GALNT13: variants seen among roughly 807,000 people sequenced by gnomAD.
The protein encoded by GALNT13 is polypeptide N-acetylgalactosaminyltransferase 13.
GALNT13 carries 28 observed loss-of-function variants against 64.2 expected under a neutral mutation model. The ratio of observed to expected loss-of-function variants is 0.44; its 90% CI spans 0.32 to 0.60. The LOEUF (loss-of-function observed/expected upper bound fraction) is 0.60. GALNT13 is among the 20% of genes least tolerant of loss of function. The pLI, the probability that GALNT13 is intolerant of heterozygous loss-of-function variation, is 0.05. For missense variants in GALNT13, 577 were observed against 669.8 expected (o/e 0.86, Z 1.53); for synonymous variants, 214 against 224.6 (o/e 0.95, Z 0.42).
the GALNT13 span, among the ~76,000 whole-genome samples, chr2:153,833,285 A>G: frequency 6.6e-6 from 1 of 152,200 alleles, no homozygotes; most frequent in Non-Finnish European, 1.5e-5. Context: ...CATGATAAGT[A>G]GAAGCTATAA....
chr2:153,293,789 GTGTC>G, the GALNT13 span, among the ~76,000 whole-genome samples: 472 of 143,682 alleles, frequency 3.3e-3, 4 homozygotes, highest in African/African-American at 4.1e-3. Context: ...GTGTGTGTGT[GTGTC>G]TGTGTGTGTG....
the GALNT13 span, among the ~76,000 whole-genome samples, chr2:153,747,421 GGT>G: frequency 8.5e-6 from 1 of 117,340 alleles, no homozygotes; most frequent in African/African-American, 4.0e-5. Flanking sequence ...AAGTGCCTTT[GGT>G]TTTTTTTTTT....
At chr2:153,304,596 T>C in the GALNT13 span, among the ~76,000 whole-genome samples, 1 of 152,172 alleles carries the variant, frequency 6.6e-6, no homozygotes, top group Non-Finnish European at 1.5e-5. Context: ...TTGTGACTTA[T>C]GACGGAATAA....
chr2:153,412,655 G>T, the GALNT13 span, among the ~76,000 whole-genome samples: 1 of 152,152 alleles, frequency 6.6e-6, no homozygotes, highest in South Asian at 2.1e-4. Flanking sequence ...TATTCCCTAA[G>T]GACTGAGTGT....
At chr2:154,237,232 A>G (rs1208398435) in intron 4 of GALNT13, among the ~76,000 whole-genome samples, 1 of 151,860 alleles carries the variant, frequency 6.6e-6, no homozygotes, top group African/African-American at 2.4e-5. Context: ...TATACCAAAG[A>G]ATGTCTACCA....
At position 153,944,260 on chromosome 2, in the gene GALNT13, T is replaced by A. The variant is rs944651284; in HGVS notation, c.-104-134T>A. On this transcript the variant is annotated intron_variant, in intron 2 of 12. Transcript: ENST00000392825. ...AGCAACTTTCATTTATTTAGGCTTT[T>A]AATTTTGGATTCGAAGGCTTGAGTA... 2.3e-5 allele frequency: 9 copies of A among 383,038 alleles called. No individual in the cohort carries two copies. The East Asian group carries it at 2.9e-4, about 12-fold the overall frequency. 23.7% of individuals were successfully genotyped at this position (383,038 alleles called of 1,614,324 possible).
chr2:153,413,398 C>T, the GALNT13 span, among the ~76,000 whole-genome samples: 4 of 152,206 alleles, frequency 2.6e-5, no homozygotes, highest in East Asian at 7.8e-4. Flanking sequence ...AGCAAAACAC[C>T]CTTGCCTTGT....
At chr2:153,820,915 G>T in the GALNT13 span, among the ~76,000 whole-genome samples, 1 of 151,890 alleles carries the variant, frequency 6.6e-6, no homozygotes, top group Non-Finnish European at 1.5e-5. Context: ...AATGCACAAA[G>T]TAGTAGTCAG....
chr2:153,069,719 A>G, the GALNT13 span, among the ~76,000 whole-genome samples: 1 of 152,216 alleles, frequency 6.6e-6, no homozygotes, highest in Non-Finnish European at 1.5e-5. Flanking sequence ...TCCTACAAAT[A>G]GCACAGATGT....
chr2:154,023,876 T>C (rs565834545), intron 3 of GALNT13, among the ~76,000 whole-genome samples: 1 of 144,526 alleles, frequency 6.9e-6, no homozygotes, highest in African/African-American at 2.6e-5. Context: ...AGGAGCTCTT[T>C]TAGGTCAGGC....
intron 2 of GALNT13, among the ~76,000 whole-genome samples, chr2:153,910,217 T>G (rs1362221266): frequency 6.6e-6 from 1 of 152,144 alleles, no homozygotes; most frequent in African/African-American, 2.4e-5. Context: ...TTTTTGAGTT[T>G]GTGTGAATAG....
chr2:154,312,815 A>T (rs1694120497), intron 9 of GALNT13, among the ~76,000 whole-genome samples: 1 of 152,190 alleles, frequency 6.6e-6, no homozygotes, highest in Non-Finnish European at 1.5e-5. Flanking sequence ...CATGAACAGA[A>T]TACCAGAATC....
intron 2 of GALNT13, among the ~76,000 whole-genome samples, chr2:153,936,670 G>T (rs1228471360): frequency 1.3e-5 from 2 of 152,116 alleles, no homozygotes; most frequent in African/African-American, 4.8e-5. Flanking sequence ...TTTTAAATGT[G>T]ATAGAAGCTG....
intron 3 of GALNT13, among the ~76,000 whole-genome samples, chr2:154,125,179 T>C (rs1379761582): frequency 6.6e-6 from 1 of 152,164 alleles, no homozygotes; most frequent in African/African-American, 2.4e-5. Context: ...AGCATAAGTG[T>C]TACCTCTTTC....
chr2:154,387,120 T>C (rs539148142), intron 9 of GALNT13, among the ~76,000 whole-genome samples: 1 of 152,272 alleles, frequency 6.6e-6, no homozygotes, highest in South Asian at 2.1e-4. Flanking sequence ...GTTAATGTAG[T>C]TCTGTCCACT....
rs1286648679 is a variant in GALNT13 at position 154,206,142 on chromosome 2, C to T, written c.312-35888C>T. On this transcript the variant is annotated intron_variant, in intron 4 of 12. Coordinates refer to ENST00000392825, the MANE Select transcript of GALNT13 (RefSeq NM_052917.4). ...CCTCCTAAGTAGCTGGGATTACAGGCGCCCGCCACCACGCCCGGCTAATTT... is the reference window on the plus strand; with the variant it reads ...CCTCCTAAGTAGCTGGGATTACAGGTGCCCGCCACCACGCCCGGCTAATTT... Among the ~76,000 whole-genome samples, 7 of 151,760 alleles carry T rather than the reference C, an allele frequency of 4.6e-5. No individual in the cohort carries two copies. The East Asian group carries it at 5.9e-4, about 13-fold the overall frequency.
intron 4 of GALNT13, among the ~76,000 whole-genome samples, chr2:154,150,147 A>G (rs1205846826): frequency 1.3e-5 from 2 of 152,182 alleles, no homozygotes; most frequent in African/African-American, 4.8e-5. Context: ...AGAGTTGTTG[A>G]ATTTTGTCAA....
At chr2:154,257,720 A>AAT (rs1299946878) in intron 7 of GALNT13, 2 of 152,204 alleles carry the variant, frequency 1.3e-5, no homozygotes, top group African/African-American at 4.8e-5. Flanking sequence ...AGAACTTTGC[A>AAT]ATATGGTAGA....
At chr2:153,239,522 G>T in the GALNT13 span, among the ~76,000 whole-genome samples, 1 of 152,048 alleles carries the variant, frequency 6.6e-6, no homozygotes, top group Non-Finnish European at 1.5e-5. Flanking sequence ...TTTGTATTTT[G>T]AGTGTTTTTA....
Sources: allele counts gnomAD v4.1 joint callset (sites outside exome capture counted in the v4.1 genomes callset), GRCh38; gene constraint gnomAD v4.1.1; transcripts MANE v1.5; gene names NCBI Gene and HGNC (gene_info 2026-07-23, HGNC 2026-07-21).